EIF2D: variants seen among roughly 807,000 people sequenced by gnomAD.
The protein encoded by EIF2D is eukaryotic translation initiation factor 2D.
In EIF2D, 56 loss-of-function variants were observed where a neutral mutation model predicts 77.4. The observed-to-expected ratio is 0.72, with a 90% CI of 0.58 to 0.90. The LOEUF (loss-of-function observed/expected upper bound fraction) is 0.90, where lower values mean the gene tolerates loss of function less well. Among genes scored for constraint, EIF2D ranks in the 40% least tolerant of loss-of-function variants. The probability of loss-of-function intolerance (pLI) is 0.00; values close to 1 mark genes in which losing one functional copy is unlikely to be tolerated. For missense variants in EIF2D, 574 were observed against 706.5 expected (o/e 0.81, Z 2.13); for synonymous variants, 230 against 271.0 (o/e 0.85, Z 1.49).
At chr1:206,585,021 A>G (rs1669053333) in intron 2 of EIF2D, 3 of 654,542 alleles carry the variant, frequency 4.6e-6, no homozygotes, top group Non-Finnish European at 8.1e-6. Flanking sequence ...ATAAAAGGTT[A>G]TTGCCCTGTT....
Position 206,593,690 on chromosome 1 carries a change from G to C in EIF2D, c.1613C>G (p.Pro538Arg), listed in dbSNP as rs145036685. The C allele has an allele frequency of 4.3e-6, 7 of 1,613,880 alleles. No individual in the cohort carries two copies. Among genetic ancestry groups the C allele is most frequent in the African/African-American group, 2.7e-5 (2 of 74,912 alleles). Residue 538 changes from proline (P) to arginine (R), a missense_variant, in exon 14 of 15, where the codon CCT (proline) becomes CGT (arginine). By Grantham distance (103) the Pro-to-Arg change is moderately radical. Coordinates refer to ENST00000271764, the MANE Select transcript of EIF2D (RefSeq NM_006893.3). ...CACCTGAAGGCTGTCCTTGGCCCCA[G>C]GGGCAGGATTGACGGTGGTGCTAGC... The part of the protein sequence containing the change: ...CQASTTVNPA[P>R]GAKDSLQVQI...
Position 206,584,363 on chromosome 1 carries a change from C to T in EIF2D, c.139-3201G>A. ...CATGCAAGGCGGACGGCCCTGACCC[C>T]CTGTGACATGCCCCCGCTGGCAGAG... On this transcript the variant is annotated intron_variant and NMD_transcript_variant, in intron 2 of 5. Coordinates refer to the EIF2D transcript ENST00000472709. This position sits in a 1 kb window ranked among gnomAD's most constrained non-coding sequence, Gnocchi z 4.9. 6.3e-7 allele frequency: 1 copy of T among 1,594,274 alleles called. No individual in the cohort carries two copies. The highest frequency in any genetic ancestry group is 1.7e-5 in the Admixed American group (1 of 58,972).
At chr1:206,585,039 G>A (rs1019812903) in intron 2 of EIF2D, 6 of 685,770 alleles carry the variant, frequency 8.7e-6, no homozygotes, top group Non-Finnish European at 1.0e-5. Flanking sequence ...GTTCATTACT[G>A]TCATGTTCAT....
rs1156381604 is a variant in EIF2D, at chr1:206,599,305, A to C, written c.1202+158T>G. On this transcript the variant is annotated intron_variant, in intron 10 of 14. Transcript: ENST00000271764. This position sits in a 1 kb window ranked among gnomAD's most constrained non-coding sequence, Gnocchi z 4.1. ...CTACTCGTTCATTTAGTCCAGAGGA[A>C]CTTGCCCAGGGAAGAAGGCTGGAAG... 2.0e-5 allele frequency among the ~76,000 whole-genome samples: 3 copies of C among 152,202 alleles called. No individual in the cohort carries two copies. The highest frequency in any genetic ancestry group is 2.1e-4 in the South Asian group (1 of 4,834).
intron 6 of EIF2D, 43 bp downstream of exon 6, chr1:206,602,908 T>C (rs1553411633): frequency 6.2e-7 from 1 of 1,601,402 alleles, no homozygotes; most frequent in East Asian, 2.2e-5. Flanking sequence ...GGCTCCTAAA[T>C]TGAGAGGTGG....
At chr1:206,596,797 C>T (rs1325578166) in intron 12 of EIF2D, among the ~76,000 whole-genome samples, 3 of 152,078 alleles carry the variant, frequency 2.0e-5, no homozygotes, top group South Asian at 2.1e-4. Flanking sequence ...GCAATCCTAC[C>T]GCCTCCGCCT....
Position 206,584,771 on chromosome 1 carries a change from G to A in EIF2D, c.139-3609C>T. On this transcript the variant is annotated intron_variant and NMD_transcript_variant, in intron 2 of 5. Transcript: ENST00000472709. The surrounding 1 kb of genome is among the most constrained non-coding windows in gnomAD (Gnocchi z 4.9). The stretch of plus-strand genomic sequence containing the variant: ...CTAAAACTCCTGCCGGCCTTGGGTG[G>A]GAGCTGTGGGCTTCTCCTGAGCACC... 2 of 1,429,060 alleles carry A rather than the reference G, an allele frequency of 1.4e-6. No individual in the cohort carries two copies. Among genetic ancestry groups the A allele is most frequent in the Non-Finnish European group, 1.9e-6 (2 of 1,037,934 alleles). The allele number at this position is 1,429,060 out of a possible 1,614,324, so 88.5% of individuals were successfully genotyped here.
At chr1:206,589,137 G>C (rs1337037439), downstream of EIF2D, 2 of 152,844 alleles carry the variant, frequency 1.3e-5, no homozygotes, top group East Asian at 1.9e-4. Context: ...CCCTCCCAGA[G>C]GTGGGAGTAA....
At chr1:206,576,597 T>C (rs1390314536) in intron 4 of EIF2D, among the ~76,000 whole-genome samples, 2 of 152,174 alleles carry the variant, frequency 1.3e-5, no homozygotes, top group Non-Finnish European at 2.9e-5. Flanking sequence ...AAAACTGTGA[T>C]TACCTTTCTC....
rs782560928 is a variant in EIF2D, at chr1:206,605,364, C to A, written c.530+36G>T. 2.5e-6 allele frequency: 4 copies of A among 1,570,964 alleles called. No individual in the cohort carries two copies. In the South Asian group the frequency reaches 4.5e-5, roughly 18 times the overall value. On this transcript the variant is annotated intron_variant, in intron 5 of 14. Transcript: ENST00000271764. ...GGCCCCATCCTCTCCCCAGCTGCCC[C>A]GGTTCTCTGTAAAACAGAAGAAACT...
At chr1:206,578,515 A>C (rs1553405631) in intron 4 of EIF2D, among the ~76,000 whole-genome samples, 1 of 152,190 alleles carries the variant, frequency 6.6e-6, no homozygotes. Flanking sequence ...CTTGACAAAT[A>C]AAGTGACTTC....
chr1:206,581,396 G>A (rs1264904228), intron 2 of EIF2D, among the ~76,000 whole-genome samples: 7 of 152,218 alleles, frequency 4.6e-5, no homozygotes, highest in South Asian at 2.1e-4. Context: ...TCAGGAGTTC[G>A]ACATCAGCCT....
Position 206,593,789 on chromosome 1 carries a change from G to C in EIF2D, c.1514C>G (p.Thr505Ser), listed in dbSNP as rs1669503365. Reference sequence around the variant, plus strand: ...ATAGGCCTCCAAGTTCCGGACCACGGTCACCTGGGGGGACAGTGGGGACAG... The same window carrying C: ...ATAGGCCTCCAAGTTCCGGACCACGCTCACCTGGGGGGACAGTGGGGACAG... Reference protein sequence around the residue: ...LAQRASNKKVTVVRNLEAYGL... With the variant: ...LAQRASNKKVSVVRNLEAYGL... The change falls in exon 14 of 15, where the codon ACC becomes AGC. Residue 505 changes from threonine to serine, a missense_variant. Thr to Ser is a moderately conservative substitution (Grantham distance 58). Coordinates refer to ENST00000271764, the MANE Select transcript of EIF2D (RefSeq NM_006893.3). The C allele has an allele frequency of 6.3e-7, 1 of 1,598,194 alleles. No individual in the cohort carries two copies. Among genetic ancestry groups the C allele is most frequent in the Non-Finnish European group, 8.6e-7 (1 of 1,168,348 alleles).
chr1:206,598,037 G>GA (rs113654777), intron 11 of EIF2D, among the ~76,000 whole-genome samples: 1 of 151,420 alleles, frequency 6.6e-6, no homozygotes, highest in Non-Finnish European at 1.5e-5. Flanking sequence ...TTTTTAAAGT[G>GA]AAAAAAAAAT....
chr1:206,595,623 G>A, intron 13 of EIF2D, 95 bp downstream of exon 13: 1 of 1,473,122 alleles, frequency 6.8e-7, no homozygotes, highest in East Asian at 2.3e-5. Flanking sequence ...ATGAGTTTGA[G>A]GCCAATCTAA....
intron 4 of EIF2D, among the ~76,000 whole-genome samples, chr1:206,576,360 G>A (rs9429987): frequency 0.81 from 123,932 of 152,090 alleles, 50,694 homozygotes; most frequent in East Asian, 1. Flanking sequence ...AGAACCAGGG[G>A]GTGAGCCTAG....
chr1:206,612,364 A>G lies in EIF2D; in HGVS notation c.-22T>C. 2 of 1,614,160 alleles carry G rather than the reference A, an allele frequency of 1.2e-6. No individual in the cohort carries two copies. Among genetic ancestry groups the G allele is most frequent in the Non-Finnish European group, 1.7e-6 (2 of 1,180,010 alleles). ...ACATGTCTGCTGGGGTGGCCTGGGGAAGAGAGCACAGAAGCCAGGGAATGT... is the reference window on the plus strand; with the variant it reads ...ACATGTCTGCTGGGGTGGCCTGGGGGAGAGAGCACAGAAGCCAGGGAATGT... On this transcript the variant is annotated 5_prime_UTR_variant, in exon 1 of 15. Transcript: ENST00000271764.
At chr1:206,585,119 A>G in intron 2 of EIF2D, 1 of 1,292,898 alleles carries the variant, frequency 7.7e-7, no homozygotes, top group South Asian at 1.2e-5. Flanking sequence ...CCTTTCCCGC[A>G]AGCCTGGGCC....
chr1:206,571,789 C>T (rs559590695), intron 5 of EIF2D, among the ~76,000 whole-genome samples: 2 of 152,256 alleles, frequency 1.3e-5, no homozygotes, highest in Admixed American at 6.5e-5. Context: ...AGGACGCTGA[C>T]CTAGGTGAGG....
Sources: gnomAD v4.1 joint callset for allele counts (sites outside exome capture counted in the v4.1 genomes callset) on GRCh38, gnomAD v4.1.1 for gene constraint, Gnocchi (gnomAD v3.1) non-coding constraint, MANE v1.5 for transcripts, NCBI Gene and HGNC (gene_info 2026-07-23, HGNC 2026-07-21) for gene names.